SORCS3: variants seen among roughly 807,000 people sequenced by gnomAD.
The protein encoded by SORCS3 is VPS10 domain-containing receptor SorCS3.
A neutral mutation model predicts 146.3 loss-of-function variants in SORCS3; 57 were observed. That is an observed-to-expected ratio of 0.39 (90% CI 0.31 to 0.49). The LOEUF is 0.49. Among genes scored for constraint, SORCS3 ranks in the 20% least tolerant of loss-of-function variants. The pLI, the probability that SORCS3 is intolerant of heterozygous loss-of-function variation, is 0.92. For missense variants in SORCS3, 1,341 were observed against 1,575.5 expected (o/e 0.85, Z 2.52); for synonymous variants, 653 against 618.5 (o/e 1.06, Z -0.83).
intron 20 of SORCS3, among the ~76,000 whole-genome samples, chr10:105,236,116 AC>A (rs1286752862): frequency 3.3e-5 from 5 of 152,144 alleles, no homozygotes; most frequent in Non-Finnish European, 7.4e-5. Context: ...TGACTAATGC[AC>A]TTGCATTTCT....
At chr10:104,699,778 C>T (rs957721408) in intron 1 of SORCS3, among the ~76,000 whole-genome samples, 9 of 152,076 alleles carry the variant, frequency 5.9e-5, no homozygotes, top group Non-Finnish European at 7.4e-5. Flanking sequence ...CAAAGGTAAT[C>T]AGGAAATTCT....
intron 3 of SORCS3, among the ~76,000 whole-genome samples, chr10:104,968,617 A>G (rs942268770): frequency 2.0e-5 from 3 of 152,234 alleles, no homozygotes; most frequent in Non-Finnish European, 4.4e-5. Flanking sequence ...ATGATGAACA[A>G]AACAAAATTA....
intron 6 of SORCS3, 126 bp from the exon 7 acceptor site, chr10:105,105,271 A>G (rs373974431): frequency 8.3e-6 from 5 of 602,636 alleles, no homozygotes; most frequent in Admixed American, 3.2e-5. Context: ...GGACAAAAGC[A>G]TGAAATCTCA....
intron 5 of SORCS3, among the ~76,000 whole-genome samples, chr10:105,085,151 G>T (rs1281578293): frequency 6.6e-6 from 1 of 152,194 alleles, no homozygotes; most frequent in Admixed American, 6.5e-5. Context: ...ATCTGGTAGA[G>T]GCCAGGGATG....
intron 1 of SORCS3, among the ~76,000 whole-genome samples, chr10:104,777,338 TACAC>T (rs2017321612): frequency 6.6e-6 from 1 of 152,176 alleles, no homozygotes; most frequent in African/African-American, 2.4e-5. Flanking sequence ...GCTGCACAGT[TACAC>T]ACTGAGCTGC....
chr10:105,096,135 CACAA>C (rs147153480), intron 6 of SORCS3, among the ~76,000 whole-genome samples: 9,347 of 150,496 alleles, frequency 0.062, 354 homozygotes, highest in Middle Eastern at 0.12. Flanking sequence ...CACACACAGA[CACAA>C]ACAAACAAGC....
intron 3 of SORCS3, among the ~76,000 whole-genome samples, chr10:104,921,409 C>T (rs2019084989): frequency 1.3e-5 from 2 of 151,992 alleles, no homozygotes; most frequent in African/African-American, 4.8e-5. Flanking sequence ...GGAGACAGTG[C>T]ATTGGAAATG....
At chr10:104,834,074 T>G (rs2018038256) in intron 1 of SORCS3, among the ~76,000 whole-genome samples, 1 of 152,166 alleles carries the variant, frequency 6.6e-6, no homozygotes, top group Admixed American at 6.6e-5. Flanking sequence ...AAAATATATT[T>G]AGATCCTGCC....
intron 3 of SORCS3, among the ~76,000 whole-genome samples, chr10:104,933,682 A>T (rs2133612699): frequency 6.6e-6 from 1 of 152,302 alleles, no homozygotes; most frequent in Middle Eastern, 3.4e-3. Context: ...GAGCCGTGTA[A>T]ATCATGTAAA....
intron 5 of SORCS3, among the ~76,000 whole-genome samples, chr10:105,075,154 C>T (rs368722546): frequency 3.1e-4 from 47 of 152,306 alleles, no homozygotes; most frequent in African/African-American, 1.1e-3. Flanking sequence ...AATCTTGCAT[C>T]TAATTACATG....
intron 1 of SORCS3, among the ~76,000 whole-genome samples, chr10:104,819,491 A>G (rs2133527139): frequency 6.6e-6 from 1 of 152,260 alleles, no homozygotes; most frequent in African/African-American, 2.4e-5. Flanking sequence ...TATGCCCACA[A>G]TACCCGATAA....
chr10:105,037,112 A>G (rs2055312034), intron 4 of SORCS3, among the ~76,000 whole-genome samples: 1 of 152,140 alleles, frequency 6.6e-6, no homozygotes, highest in South Asian at 2.1e-4. Context: ...ATAAATTCAC[A>G]TTTCTTAGAA....
intron 1 of SORCS3, among the ~76,000 whole-genome samples, chr10:104,770,166 A>G (rs1663573051): frequency 6.6e-6 from 1 of 152,200 alleles, no homozygotes; most frequent in Admixed American, 6.5e-5. Flanking sequence ...CGTGAGGAAC[A>G]AATCTGGATC....
Position 105,263,606 on chromosome 10 carries a change from C to T in SORCS3, c.*232C>T, listed in dbSNP as rs796187021. 3 of 490,090 alleles carry T rather than the reference C, an allele frequency of 6.1e-6. No individual in the cohort carries two copies. The highest frequency in any genetic ancestry group is 6.1e-5 in the South Asian group (2 of 32,820). 30.4% of individuals were successfully genotyped at this position (490,090 alleles called of 1,614,324 possible). ...GTGCTAAGAGCAAAGGATGCATCTT[C>T]CCACAGCCTCCTCGCTTTACTCTGC... is the stretch of plus-strand genomic sequence containing the variant. On this transcript the variant is annotated 3_prime_UTR_variant, in exon 27 of 27. Coordinates refer to ENST00000369701, the MANE Select transcript of SORCS3 (RefSeq NM_014978.3).
chr10:104,696,683 ATATATAATATATAT>A lies in SORCS3; in HGVS notation c.627+54736_627+54749del, dbSNP rs1424225469. Among the ~76,000 whole-genome samples, 8 of 77,952 alleles carry A rather than the reference ATATATAATATATAT, an allele frequency of 1.0e-4. No individual in the cohort carries two copies. In the East Asian group the frequency reaches 1.7e-3, roughly 16 times the overall value. The allele number at this position is 77,952 out of a possible 152,430, so 51.1% of individuals were successfully genotyped here. A position where few individuals can be genotyped will look rare whatever the true frequency, so the allele number is the denominator to read the frequency against. ...GTATATATAATATATAACATATATAATATATAATATATATTATATACGTATATATAATATATAAC... is the reference window on the plus strand; with the variant it reads ...GTATATATAATATATAACATATATAATATATACGTATATATAATATATAAC... On this transcript the variant is annotated intron_variant, in intron 1 of 26. Coordinates refer to ENST00000369701, the MANE Select transcript of SORCS3 (RefSeq NM_014978.3).
intron 2 of SORCS3, among the ~76,000 whole-genome samples, chr10:104,911,857 C>T (rs2018972467): frequency 6.6e-6 from 1 of 152,114 alleles, no homozygotes; most frequent in Non-Finnish European, 1.5e-5. Flanking sequence ...CAGAATCTCC[C>T]AGCCTCTGTT....
intron 2 of SORCS3, among the ~76,000 whole-genome samples, chr10:104,843,981 G>A: frequency 6.6e-6 from 1 of 152,278 alleles, no homozygotes; most frequent in East Asian, 1.9e-4. Flanking sequence ...GGAGCAGAGG[G>A]GACTGGGGTG....
chr10:104,942,346 A>T (rs1361521508), intron 3 of SORCS3, among the ~76,000 whole-genome samples: 2 of 152,200 alleles, frequency 1.3e-5, no homozygotes, highest in Non-Finnish European at 2.9e-5. Flanking sequence ...CACCAGGCCC[A>T]GATGGCCTCA....
Position 105,247,294 on chromosome 10 carries a change from A to G in SORCS3, c.3068A>G (p.Lys1023Arg). The G allele has an allele frequency of 6.2e-7, 1 of 1,612,650 alleles. No individual in the cohort carries two copies. Among genetic ancestry groups the G allele is most frequent in the Non-Finnish European group, 8.5e-7 (1 of 1,178,834 alleles). Residue 1023 changes from lysine (K) to arginine (R), a missense_variant, in exon 22 of 27, where the codon AAA becomes AGA. By Grantham distance (26) the Lys-to-Arg change is conservative (BLOSUM62 2). Coordinates refer to ENST00000369701, the MANE Select transcript of SORCS3 (RefSeq NM_014978.3). ...AATCCTGACATTCCTGAGTGGAGAA[A>G]AGATATTGGCAATGTCATCAAGCGA... The part of the protein sequence containing the change: ...YHNPDIPEWR[K>R]DIGNVIKRAL...
Sources: allele counts gnomAD v4.1 joint callset (sites outside exome capture counted in the v4.1 genomes callset), GRCh38; gene constraint gnomAD v4.1.1; transcripts MANE v1.5; gene names NCBI Gene and HGNC (gene_info 2026-07-23, HGNC 2026-07-21).